Variants in TBCB observed in about 807,000 individuals in gnomAD.
TBCB encodes the protein tubulin folding cofactor B.
In TBCB, 18 loss-of-function variants were observed where a neutral mutation model predicts 29.2. The observed-to-expected ratio is 0.62, with a 90% CI of 0.43 to 0.91. TBCB has a LOEUF of 0.91. Among genes scored for constraint, TBCB ranks in the 40% least tolerant of loss-of-function variants. TBCB has a pLI of 0.00. For synonymous variants in TBCB, 172 were observed against 137.8 expected, an observed-to-expected ratio of 1.25 and a Z score of -1.74; for missense variants, 336 against 337.6, an observed-to-expected ratio of 1.00 and a Z score of 0.04.
At chr19:36,122,610 G>C (rs554825687) in intron 4 of TBCB, among the ~76,000 whole-genome samples, 1 of 150,960 alleles carries the variant, frequency 6.6e-6, no homozygotes, top group South Asian at 2.1e-4. Context: ...ACTTTTGTCA[G>C]TTGTGGTGGT....
rs775389155 is a variant in TBCB, at chr19:36,125,743, G to C, written c.696G>C (p.Gly232=). The part of the protein sequence containing the change: ...AFVKPAVVTV[G]DFPEEDYGLD... ...TCAAGCCAGCAGTCGTGACGGTGGG[G>C]GACTTCCCGGAGGAGGACTACGGGT... Residue 232 remains glycine (G), a synonymous_variant, in exon 6 of 6, where the codon GGG becomes GGC. Transcript: ENST00000221855. 2 of 1,567,642 alleles carry C rather than the reference G, an allele frequency of 1.3e-6. No homozygotes were observed. Among genetic ancestry groups the C allele is most frequent in the Admixed American group, 3.7e-5 (2 of 53,584 alleles).
In TBCB at chr19:36,121,667, G is replaced by A; in HGVS notation, c.496G>A (p.Glu166Lys). 1.9e-6 allele frequency: 3 copies of A among 1,564,010 alleles called. No homozygotes were observed. The highest frequency in any genetic ancestry group is 2.6e-6 in the Non-Finnish European group (3 of 1,155,546). ...CTCCATCCCCGTGGGCAGCCGCTGT[G>A]AGGTGCGGGCGGCGGGACAATCCCC... Reference protein sequence around the residue: ...ASSIPVGSRCEVRAAGQSPRR... With the variant: ...ASSIPVGSRCKVRAAGQSPRR... The change falls in exon 4 of 6, where the codon GAG (glutamate) becomes AAG (lysine). Residue 166 changes from glutamate to lysine, a missense_variant. Transcript: ENST00000221855.
At chr19:36,122,592 C>CAAAA in intron 4 of TBCB, among the ~76,000 whole-genome samples, 1 of 127,292 alleles carries the variant, frequency 7.9e-6, no homozygotes, top group Non-Finnish European at 1.7e-5. Context: ...AAAAAAAAAT[C>CAAAA]CCACAAAACT....
At chr19:36,116,386 G>A in intron 2 of TBCB, 1 of 588,846 alleles carries the variant, frequency 1.7e-6, no homozygotes, top group Non-Finnish European at 2.7e-6. Flanking sequence ...AAATCCCAGG[G>A]GACTGGAGCC....
intron 4 of TBCB, among the ~76,000 whole-genome samples, chr19:36,122,411 C>T (rs922437861): frequency 2.0e-5 from 3 of 151,544 alleles, no homozygotes; most frequent in Admixed American, 6.6e-5. Flanking sequence ...TGTCATTGCA[C>T]CCTAGCCTGG....
rs766312403 is a variant in TBCB at position 36,120,734 on chromosome 19, C to T, written c.283C>T (p.Leu95Phe). ...IHVIDHSGAR[L>F]GEYEDVSRVE... ...GGTCATTGACCACAGTGGCGCCCGC[C>T]TTGGTGAGTATGAGGACGTGTCCCG... Residue 95 changes from leucine to phenylalanine, a missense_variant, in exon 3 of 6, where the codon CTT becomes TTT. Leu to Phe is a conservative substitution (Grantham distance 22, BLOSUM62 0). Transcript: ENST00000221855. 6.2e-7 allele frequency: 1 copy of T among 1,614,136 alleles called. No homozygotes were observed. Among genetic ancestry groups the T allele is most frequent in the Non-Finnish European group, 8.5e-7 (1 of 1,180,024 alleles).
intron 2 of TBCB, among the ~76,000 whole-genome samples, chr19:36,117,406 G>A (rs1411524460): frequency 2.6e-5 from 4 of 152,148 alleles, no homozygotes; most frequent in African/African-American, 9.7e-5. Context: ...ATGCAGTGGT[G>A]TGATCTCAGC....
At chr19:36,115,976 G>T in intron 1 of TBCB, 65 bp from the exon 2 acceptor site, 1 of 1,577,314 alleles carries the variant, frequency 6.3e-7, no homozygotes, top group South Asian at 1.1e-5. Context: ...ACGTGGCGAT[G>T]GTCATTGATG....
At chr19:36,116,951 C>T (rs1448328334) in intron 2 of TBCB, among the ~76,000 whole-genome samples, 3 of 152,162 alleles carry the variant, frequency 2.0e-5, no homozygotes, top group African/African-American at 7.2e-5. Context: ...CCCGACCTCA[C>T]TCAGTCTGTA....
At chr19:36,119,930 C>T (rs953376310) in intron 2 of TBCB, among the ~76,000 whole-genome samples, 2 of 151,928 alleles carry the variant, frequency 1.3e-5, no homozygotes, top group African/African-American at 2.4e-5. Context: ...CCAGCAGTCC[C>T]TTGTGTCTTC....
intron 3 of TBCB, among the ~76,000 whole-genome samples, chr19:36,121,031 C>T (rs1472374393): frequency 1.9e-5 from 1 of 53,048 alleles, no homozygotes; most frequent in Non-Finnish European, 3.7e-5. Context: ...CAGACGTGGT[C>T]GGGGGAGGGC....
Position 36,120,771 on chromosome 19 carries a change from A to G in TBCB, c.320A>G (p.Tyr107Cys). 1 of 1,613,966 alleles carries G rather than the reference A, an allele frequency of 6.2e-7. No individual in the cohort carries two copies. The highest frequency in any genetic ancestry group is 8.5e-7 in the Non-Finnish European group (1 of 1,179,968). ...EYEDVSRVEK[Y>C]TISQEAYDQR... ...GAGGACGTGTCCCGGGTGGAGAAGT[A>G]CACGATCTCACAAGAAGCCTACGAC... is the stretch of plus-strand genomic sequence containing the variant. The change falls in exon 3 of 6, where the codon TAC becomes TGC. Residue 107 changes from tyrosine to cysteine, a missense_variant. By Grantham distance (194) the Tyr-to-Cys change is radical. Transcript: ENST00000221855.
intron 4 of TBCB, chr19:36,122,026 C>T (rs1288747610): frequency 4.3e-5 from 20 of 463,994 alleles, no homozygotes; most frequent in Non-Finnish European, 6.2e-5. Flanking sequence ...GGGAAACGGG[C>T]GGCGTGACCA....
intron 4 of TBCB, chr19:36,122,285 T>C (rs1374192222): frequency 1.1e-5 from 2 of 175,098 alleles, no homozygotes; most frequent in Non-Finnish European, 1.2e-5. Context: ...TGTGGATTTT[T>C]TTAAAAAGAA....
At chr19:36,120,623 C>A in intron 2 of TBCB, 87 bp from the exon 3 acceptor site, 1 of 1,140,470 alleles carries the variant, frequency 8.8e-7, no homozygotes, top group Non-Finnish European at 1.3e-6. Flanking sequence ...GCGTTTTTCC[C>A]AGATGGAGAC....
rs557975377 is a variant in TBCB, at chr19:36,115,482, A to T, written c.-79A>T. The T allele has an allele frequency of 9.0e-7, 1 of 1,114,452 alleles. No homozygotes were observed. Among genetic ancestry groups the T allele is most frequent in the Non-Finnish European group, 1.3e-6 (1 of 761,568 alleles). 69.0% of individuals were successfully genotyped at this position (1,114,452 alleles called of 1,614,324 possible). On this transcript the variant is annotated 5_prime_UTR_variant, in exon 1 of 6. Coordinates refer to ENST00000221855, the MANE Select transcript of TBCB (RefSeq NM_001281.3). ...CAGGAGGCGGGGCTGATAGCCCAGC[A>T]GCAGCAGCGGCGGCGGCGGCTGCGG...
chr19:36,125,428 A>G (rs1974120915), intron 4 of TBCB, 23 bp from the exon 5 acceptor site: 3 of 1,613,282 alleles, frequency 1.9e-6, no homozygotes, highest in Non-Finnish European at 2.5e-6. Context: ...GAAGCTTCAC[A>G]GGGATTTCTC....
upstream of TBCB, chr19:36,115,189 C>T: frequency 1.8e-6 from 1 of 546,114 alleles, no homozygotes; most frequent in Non-Finnish European, 3.2e-6. Flanking sequence ...AGGCGCTTGG[C>T]TTGGTTGAAG....
At position 36,125,829 on chromosome 19, in the gene TBCB, G is replaced by C; in HGVS notation, c.*47G>C. 3 of 1,385,990 alleles carry C rather than the reference G, an allele frequency of 2.2e-6. No individual in the cohort carries two copies. The South Asian group carries it at 4.9e-5, about 23-fold the overall frequency. 85.9% of individuals were successfully genotyped at this position (1,385,990 alleles called of 1,614,324 possible). On this transcript the variant is annotated 3_prime_UTR_variant, in exon 6 of 6. Coordinates refer to ENST00000221855, the MANE Select transcript of TBCB (RefSeq NM_001281.3). Reference sequence around the variant, plus strand: ...TCAGCTCCTAGCTCAGCCACTGACTGCCCCTCCTGTGTGTGCCCATGGCCC... The same window carrying C: ...TCAGCTCCTAGCTCAGCCACTGACTCCCCCTCCTGTGTGTGCCCATGGCCC...
Sources: allele counts gnomAD v4.1 joint callset (sites outside exome capture counted in the v4.1 genomes callset), GRCh38; gene constraint gnomAD v4.1.1; transcripts MANE v1.5; gene names NCBI Gene and HGNC (gene_info 2026-07-23, HGNC 2026-07-21).